Variants in LHFPL3 observed in about 807,000 individuals in gnomAD.
The protein encoded by LHFPL3 is LHFPL tetraspan subfamily member 3 protein.
Under a neutral mutation model 19.3 loss-of-function variants are expected in LHFPL3, and 5 were observed. That is an observed-to-expected ratio of 0.26 (90% CI 0.14 to 0.54). The LOEUF (loss-of-function observed/expected upper bound fraction) is 0.54. Ranked by LOEUF, LHFPL3 falls within the 20% of genes least tolerant of loss-of-function variation. The pLI is 0.94. For synonymous variants in LHFPL3, 133 were observed against 126.2 expected (o/e 1.05, Z -0.36); for missense variants, 249 against 307.4 (o/e 0.81, Z 1.42).
At chr7:104,361,128 T>C (rs1267614659) in intron 1 of LHFPL3, among the ~76,000 whole-genome samples, 3 of 152,304 alleles carry the variant, frequency 2.0e-5, no homozygotes, top group Non-Finnish European at 4.4e-5. Context: ...AAGGGCAGAG[T>C]TGAGTGGTTG....
At chr7:104,445,431 G>A (rs1200142190) in intron 1 of LHFPL3, among the ~76,000 whole-genome samples, 1 of 152,152 alleles carries the variant, frequency 6.6e-6, no homozygotes, top group Non-Finnish European at 1.5e-5. Context: ...GATATTAAGA[G>A]TGTCTATTTT....
chr7:104,821,742 C>T (rs983340474), intron 2 of LHFPL3, among the ~76,000 whole-genome samples: 2 of 152,172 alleles, frequency 1.3e-5, no homozygotes, highest in Non-Finnish European at 2.9e-5. Context: ...GTAGCACAGT[C>T]AAAGTTTCTA....
At chr7:104,408,799 C>T (rs949273202) in intron 1 of LHFPL3, among the ~76,000 whole-genome samples, 6 of 151,532 alleles carry the variant, frequency 4.0e-5, no homozygotes, top group Non-Finnish European at 7.4e-5. Context: ...GCAATGTCTG[C>T]CTTTTTGCTA....
chr7:104,802,718 A>C (rs539459578), intron 2 of LHFPL3: 2 of 152,264 alleles, frequency 1.3e-5, no homozygotes, highest in Non-Finnish European at 2.9e-5. Flanking sequence ...AAGTAGAATA[A>C]GACAACACCC....
intron 1 of LHFPL3, among the ~76,000 whole-genome samples, chr7:104,637,552 T>C (rs1001836989): frequency 1.3e-5 from 2 of 152,216 alleles, no homozygotes; most frequent in Admixed American, 1.3e-4. Context: ...TGTGTTGATT[T>C]TTGCTTATGG....
intron 1 of LHFPL3, among the ~76,000 whole-genome samples, chr7:104,386,884 G>T (rs527758422): frequency 1.3e-5 from 2 of 152,164 alleles, no homozygotes; most frequent in Admixed American, 1.3e-4. Flanking sequence ...GGGAGTGGGG[G>T]TGGGGAAGGA....
rs1801510295 is a variant in LHFPL3, at chr7:104,328,737, G to C, written c.-43G>C. 1.3e-6 allele frequency: 2 copies of C among 1,503,694 alleles called. No homozygotes were observed. The highest frequency in any genetic ancestry group is 2.9e-5 in the African/African-American group (2 of 68,608). 93.1% of individuals were successfully genotyped at this position (1,503,694 alleles called of 1,614,324 possible). A position where few individuals can be genotyped will look rare whatever the true frequency, so the allele number is the denominator to read the frequency against. ...CCTGCGCGCTGAGAGGCGGGGGGAG[G>C]CGGAGGACCAGGAGGAGGAGGAGGA... On this transcript the variant is annotated 5_prime_UTR_variant, in exon 1 of 3. Transcript: ENST00000424859. This position sits in a 1 kb window ranked among gnomAD's most constrained non-coding sequence, Gnocchi z 4.6.
intron 1 of LHFPL3, among the ~76,000 whole-genome samples, chr7:104,649,482 A>C (rs1791990580): frequency 6.6e-6 from 1 of 152,172 alleles, no homozygotes; most frequent in Non-Finnish European, 1.5e-5. Context: ...ATTTTTAGAG[A>C]TCAAAGGACA....
At chr7:104,561,253 C>G (rs1019680233) in intron 1 of LHFPL3, among the ~76,000 whole-genome samples, 1 of 148,416 alleles carries the variant, frequency 6.7e-6, no homozygotes, top group Non-Finnish European at 1.5e-5. Flanking sequence ...CTTCCTGTCT[C>G]GTTGATCTGT....
intron 1 of LHFPL3, among the ~76,000 whole-genome samples, chr7:104,375,370 TA>T (rs1481152228): frequency 6.6e-6 from 1 of 151,768 alleles, no homozygotes; most frequent in Non-Finnish European, 1.5e-5. Context: ...AAAGAAATAA[TA>T]ATATAAAGAA....
intron 1 of LHFPL3, among the ~76,000 whole-genome samples, chr7:104,665,127 G>A (rs1279342437): frequency 6.6e-6 from 1 of 152,172 alleles, no homozygotes; most frequent in Non-Finnish European, 1.5e-5. Context: ...ACATAAGACT[G>A]CTAATGTAAA....
At chr7:104,543,319 C>T (rs1794523514) in intron 1 of LHFPL3, among the ~76,000 whole-genome samples, 1 of 152,000 alleles carries the variant, frequency 6.6e-6, no homozygotes, top group African/African-American at 2.4e-5. Flanking sequence ...GTTGGTGGGA[C>T]TGTAAACTAG....
At chr7:104,368,368 C>T (rs945734441) in intron 1 of LHFPL3, among the ~76,000 whole-genome samples, 4 of 152,110 alleles carry the variant, frequency 2.6e-5, no homozygotes, top group Non-Finnish European at 2.9e-5. Flanking sequence ...AAAAAGGGAC[C>T]TGAACGGTTC....
At chr7:104,615,764 G>A (rs528745036) in intron 1 of LHFPL3, among the ~76,000 whole-genome samples, 2 of 151,822 alleles carry the variant, frequency 1.3e-5, no homozygotes, top group South Asian at 2.1e-4. Flanking sequence ...TTATGAGTGA[G>A]AACATGCGGT....
At chr7:104,695,901 AC>A (rs1338522991) in intron 1 of LHFPL3, among the ~76,000 whole-genome samples, 4 of 152,060 alleles carry the variant, frequency 2.6e-5, no homozygotes, top group Admixed American at 6.6e-5. Flanking sequence ...AAATGTGCAT[AC>A]CCTTTGTCAG....
At chr7:104,430,445 TATATATA>T (rs1791972692) in intron 1 of LHFPL3, among the ~76,000 whole-genome samples, 1 of 22,928 alleles carries the variant, frequency 4.4e-5, no homozygotes, top group East Asian at 1.2e-3. Context: ...TATATATATA[TATATATA>T]TATTTTTTTT....
At chr7:104,643,148 T>G (rs1791867554) in intron 1 of LHFPL3, among the ~76,000 whole-genome samples, 1 of 152,220 alleles carries the variant, frequency 6.6e-6, no homozygotes, top group African/African-American at 2.4e-5. Context: ...AAATCTCTCC[T>G]TTTGGTAGAG....
intron 2 of LHFPL3, among the ~76,000 whole-genome samples, chr7:104,754,569 C>A (rs1339380025): frequency 6.6e-6 from 1 of 152,220 alleles, no homozygotes; most frequent in Non-Finnish European, 1.5e-5. Context: ...GTCCATCTTA[C>A]AGTGCCATAG....
chr7:104,469,866 A>G (rs1792872602), intron 1 of LHFPL3, among the ~76,000 whole-genome samples: 2 of 152,174 alleles, frequency 1.3e-5, no homozygotes, highest in African/African-American at 4.8e-5. Context: ...TACCATCCTA[A>G]ATGTGAGATA....
Sources: gnomAD v4.1 joint callset for allele counts (sites outside exome capture counted in the v4.1 genomes callset) on GRCh38, gnomAD v4.1.1 for gene constraint, Gnocchi (gnomAD v3.1) non-coding constraint, MANE v1.5 for transcripts, NCBI Gene and HGNC (gene_info 2026-07-23, HGNC 2026-07-21) for gene names.